The following IMMP2L variants were observed in gnomAD, a reference collection of about 807,000 sequenced individuals.
IMMP2L encodes the protein mitochondrial inner membrane protease subunit 2.
Under a neutral mutation model 19.3 loss-of-function variants are expected in IMMP2L, and 18 were observed. The observed-to-expected ratio is 0.93, with a 90% confidence interval of 0.64 to 1.38. The LOEUF (loss-of-function observed/expected upper bound fraction) is 1.38. Ranked by LOEUF, IMMP2L falls within the 40% of genes most tolerant of loss-of-function variation. IMMP2L has a pLI of 0.00. For synonymous variants in IMMP2L, 76 were observed against 73.0 expected, an observed-to-expected ratio of 1.04 and a Z score of -0.21; for missense variants, 233 against 218.2, an observed-to-expected ratio of 1.07 and a Z score of -0.43.
chr7:111,295,655 G>GTTCTA (rs1821552566), intron 3 of IMMP2L, among the ~76,000 whole-genome samples: 1 of 151,794 alleles, frequency 6.6e-6, no homozygotes, highest in Non-Finnish European at 1.5e-5. Flanking sequence ...CTCTCTGGCT[G>GTTCTA]TTCTAGCAGG....
At chr7:110,677,455 G>A (rs1345866196) in intron 5 of IMMP2L, among the ~76,000 whole-genome samples, 1 of 152,124 alleles carries the variant, frequency 6.6e-6, no homozygotes, top group Non-Finnish European at 1.5e-5. Flanking sequence ...ACAGAGAACA[G>A]TATTAGCCTA....
chr7:110,699,771 A>G (rs1392147214), intron 5 of IMMP2L, among the ~76,000 whole-genome samples: 1 of 151,844 alleles, frequency 6.6e-6, no homozygotes, highest in East Asian at 1.9e-4. Context: ...CTCAAAAAAA[A>G]AAAAAAAATA....
intron 3 of IMMP2L, among the ~76,000 whole-genome samples, chr7:111,106,552 C>A (rs214884): frequency 6.6e-6 from 1 of 151,428 alleles, no homozygotes; most frequent in Non-Finnish European, 1.5e-5. Flanking sequence ...CTCACTGCCC[C>A]AGGCTTGAGT....
chr7:110,663,610 CTT>C lies in IMMP2L; in HGVS notation c.518_519del (p.Glu173GlyfsTer6). 6.2e-7 allele frequency: 1 copy of C among 1,613,628 alleles called. No homozygotes were observed. Among genetic ancestry groups the C allele is most frequent in the Non-Finnish European group, 8.5e-7 (1 of 1,179,674 alleles). ...CAGGTAGATTCATGCAGTCATTCCT[CTT>C]CTCTCTGTACTGGTAAGCGCTCTGG... ...LPPERLPVQREEE is the reference protein window; with the variant it reads ...LPPERLPVQRXEE On this transcript the variant is annotated frameshift_variant, in exon 6 of 6. Transcript: ENST00000405709. LOFTEE classifies it high-confidence loss of function.
chr7:110,846,216 A>T (rs1256244874), intron 5 of IMMP2L, among the ~76,000 whole-genome samples: 1 of 152,056 alleles, frequency 6.6e-6, no homozygotes, highest in Non-Finnish European at 1.5e-5. Context: ...CCCCCAAGAA[A>T]ACCGAGAACC....
At chr7:111,489,780 C>G (rs1252931391) in intron 2 of IMMP2L, among the ~76,000 whole-genome samples, 3 of 152,088 alleles carry the variant, frequency 2.0e-5, no homozygotes, top group Non-Finnish European at 4.4e-5. Flanking sequence ...ATACCTAAAT[C>G]CCTAACTTAA....
intron 3 of IMMP2L, among the ~76,000 whole-genome samples, chr7:111,250,325 C>T (rs372944729): frequency 6.6e-6 from 1 of 152,112 alleles, no homozygotes; most frequent in Non-Finnish European, 1.5e-5. Flanking sequence ...AATGGCCATA[C>T]TCCCCAAAGT....
chr7:111,021,630 C>T (rs1406169395), intron 3 of IMMP2L, among the ~76,000 whole-genome samples: 4 of 152,140 alleles, frequency 2.6e-5, no homozygotes, highest in African/African-American at 7.2e-5. Context: ...CGCCAGTAAT[C>T]CCAGCACTTT....
intron 1 of IMMP2L, among the ~76,000 whole-genome samples, chr7:111,539,252 AAG>A (rs1491263037): frequency 6.8e-6 from 1 of 147,140 alleles, no homozygotes. Context: ...GAAAGAAAGA[AAG>A]AAAGAAAGAA....
At chr7:111,316,162 AAC>A (rs760213717) in intron 3 of IMMP2L, among the ~76,000 whole-genome samples, 4 of 152,176 alleles carry the variant, frequency 2.6e-5, no homozygotes, top group Non-Finnish European at 4.4e-5. Flanking sequence ...GACCATCAAA[AAC>A]ACAGTCTATC....
intron 3 of IMMP2L, among the ~76,000 whole-genome samples, chr7:111,131,508 T>G (rs1801844767): frequency 6.6e-6 from 1 of 152,048 alleles, no homozygotes; most frequent in Admixed American, 6.6e-5. Context: ...ATTGTGAATA[T>G]GTGCCAGATT....
At chr7:110,854,168 A>G (rs1276201157) in intron 5 of IMMP2L, among the ~76,000 whole-genome samples, 3 of 152,016 alleles carry the variant, frequency 2.0e-5, no homozygotes, top group South Asian at 2.1e-4. Context: ...TGTATGTAAT[A>G]CAACCATAAG....
intron 2 of IMMP2L, among the ~76,000 whole-genome samples, chr7:111,499,281 G>A (rs1338792979): frequency 6.6e-6 from 1 of 152,138 alleles, no homozygotes; most frequent in Non-Finnish European, 1.5e-5. Flanking sequence ...CAGTACCGAG[G>A]AGCATGACTC....
intron 5 of IMMP2L, among the ~76,000 whole-genome samples, chr7:110,669,019 C>T (rs954132104): frequency 1.7e-4 from 20 of 120,128 alleles, no homozygotes; most frequent in Non-Finnish European, 1.7e-5. Context: ...AGAAACTGAA[C>T]CAACAGTATG....
chr7:110,889,949 G>A (rs1182588054), intron 4 of IMMP2L, among the ~76,000 whole-genome samples: 3 of 152,124 alleles, frequency 2.0e-5, no homozygotes, highest in African/African-American at 7.2e-5. Flanking sequence ...AAAGCGCTGA[G>A]TATAGTTCTG....
At chr7:110,937,478 A>C (rs758148383) in intron 4 of IMMP2L, among the ~76,000 whole-genome samples, 39 of 152,162 alleles carry the variant, frequency 2.6e-4, no homozygotes, top group Non-Finnish European at 4.7e-4. Flanking sequence ...GGGTACTCCA[A>C]GCTTAGGCGG....
At chr7:110,800,834 T>C (rs1363995076) in intron 5 of IMMP2L, among the ~76,000 whole-genome samples, 1 of 152,050 alleles carries the variant, frequency 6.6e-6, no homozygotes, top group African/African-American at 2.4e-5. Flanking sequence ...CTTTACAGGG[T>C]ACATTTGGTA....
chr7:111,127,625 T>A (rs1801445635), intron 3 of IMMP2L, among the ~76,000 whole-genome samples: 1 of 152,154 alleles, frequency 6.6e-6, no homozygotes, highest in Non-Finnish European at 1.5e-5. Flanking sequence ...CTCTGTTACC[T>A]CTTAATCCTC....
intron 5 of IMMP2L, among the ~76,000 whole-genome samples, chr7:110,763,358 T>G (rs1798465391): frequency 6.6e-6 from 1 of 152,156 alleles, no homozygotes; most frequent in African/African-American, 2.4e-5. Flanking sequence ...CTGAATTTGA[T>G]TCATTCATTC....
Sources: allele counts gnomAD v4.1 joint callset (sites outside exome capture counted in the v4.1 genomes callset), GRCh38; gene constraint gnomAD v4.1.1; transcripts MANE v1.5; gene names NCBI Gene and HGNC (gene_info 2026-07-23, HGNC 2026-07-21).